The following CTNNA2 variants were observed in gnomAD, a reference collection of about 807,000 sequenced individuals.
CTNNA2 encodes the protein catenin alpha-2.
In CTNNA2, 42 loss-of-function variants were observed where a neutral mutation model predicts 101.0. The observed-to-expected ratio is 0.42, with a 90% CI of 0.32 to 0.54. The LOEUF is 0.54. Among genes scored for constraint, CTNNA2 ranks in the 20% least tolerant of loss-of-function variants. The pLI, the probability that CTNNA2 is intolerant of heterozygous loss-of-function variation, is 0.14. For synonymous variants in CTNNA2, 450 were observed against 456.4 expected (o/e 0.99, Z 0.18); for missense variants, 871 against 1,223.1 (o/e 0.71, Z 4.29).
At chr2:80,114,113 G>A (rs899880345) in intron 7 of CTNNA2, among the ~76,000 whole-genome samples, 9 of 152,226 alleles carry the variant, frequency 5.9e-5, no homozygotes, top group Non-Finnish European at 7.4e-5. Flanking sequence ...AAATTCCGTC[G>A]TCTAAATAAT....
chr2:80,433,176 T>TA (rs1251720886), intron 9 of CTNNA2, among the ~76,000 whole-genome samples: 2 of 152,188 alleles, frequency 1.3e-5, no homozygotes, highest in Non-Finnish European at 2.9e-5. Context: ...ACGTAGAGCT[T>TA]AAAAAAACCT....
chr2:79,306,472 G>C (rs998537858), intron 2 of CTNNA2, among the ~76,000 whole-genome samples: 3 of 152,068 alleles, frequency 2.0e-5, no homozygotes, highest in Admixed American at 1.3e-4. Flanking sequence ...CATAATTTTT[G>C]TTAATTAAAA....
intron 3 of CTNNA2, among the ~76,000 whole-genome samples, chr2:79,353,551 T>C (rs1677439807): frequency 1.3e-5 from 2 of 152,212 alleles, no homozygotes; most frequent in African/African-American, 2.4e-5. Flanking sequence ...ACTTTGAGCC[T>C]GTGAGTGTCA....
intron 2 of CTNNA2, among the ~76,000 whole-genome samples, chr2:79,657,354 G>A (rs979422577): frequency 2.0e-5 from 3 of 151,766 alleles, no homozygotes; most frequent in Non-Finnish European, 4.4e-5. Context: ...AAGGGAATCA[G>A]TTCCTAGAAA....
At chr2:80,093,303 C>A (rs917881806) in intron 7 of CTNNA2, among the ~76,000 whole-genome samples, 1 of 152,022 alleles carries the variant, frequency 6.6e-6, no homozygotes, top group Non-Finnish European at 1.5e-5. Flanking sequence ...TGGTTTCCAG[C>A]TTCATCCATG....
intron 7 of CTNNA2, among the ~76,000 whole-genome samples, chr2:80,031,052 A>G (rs777093159): frequency 6.6e-6 from 1 of 151,420 alleles, no homozygotes; most frequent in Non-Finnish European, 1.5e-5. Context: ...GATAATATGC[A>G]TAGATATTTT....
chr2:80,376,526 T>C, intron 7 of CTNNA2, among the ~76,000 whole-genome samples: 1 of 151,584 alleles, frequency 6.6e-6, no homozygotes. Flanking sequence ...GTTTTATTAG[T>C]GTTTTAGCAG....
chr2:79,298,209 G>C (rs995544651), intron 2 of CTNNA2, among the ~76,000 whole-genome samples: 1 of 152,278 alleles, frequency 6.6e-6, no homozygotes, highest in Middle Eastern at 3.4e-3. Flanking sequence ...AAAGGCAAAG[G>C]GGGTGCAGTC....
intron 7 of CTNNA2, among the ~76,000 whole-genome samples, chr2:80,285,180 G>A (rs115690589): frequency 0.013 from 1,918 of 152,238 alleles, 31 homozygotes; most frequent in African/African-American, 0.042. Flanking sequence ...CTTTATCATG[G>A]CAGCAGACTG....
chr2:79,472,508 G>A (rs1461976232), intron 4 of CTNNA2, among the ~76,000 whole-genome samples: 1 of 152,158 alleles, frequency 6.6e-6, no homozygotes, highest in Admixed American at 6.5e-5. Flanking sequence ...GTGCCCATTT[G>A]CAGCTGAATA....
chr2:80,525,813 G>A (rs1474765228), intron 9 of CTNNA2, among the ~76,000 whole-genome samples: 5 of 152,092 alleles, frequency 3.3e-5, no homozygotes, highest in East Asian at 1.9e-4. Context: ...ACTACCTTAC[G>A]CGCTGGCAGG....
chr2:79,429,003 A>G (rs1169322712), intron 4 of CTNNA2, among the ~76,000 whole-genome samples: 2 of 152,204 alleles, frequency 1.3e-5, no homozygotes, highest in Admixed American at 6.5e-5. Context: ...CAGTAAACAA[A>G]CTTCCTGTGA....
intron 9 of CTNNA2, among the ~76,000 whole-genome samples, chr2:80,508,471 C>A (rs1688446456): frequency 6.6e-6 from 1 of 151,998 alleles, no homozygotes; most frequent in East Asian, 1.9e-4. Context: ...ACAACAGAGC[C>A]AGACTGTCTC....
chr2:80,125,115 A>G (rs1288432538), intron 7 of CTNNA2, among the ~76,000 whole-genome samples: 1 of 152,162 alleles, frequency 6.6e-6, no homozygotes, highest in Admixed American at 6.5e-5. Flanking sequence ...TTTGTCTGAA[A>G]CGATTGAAGT....
chr2:79,854,299 T>C (rs1680961405), intron 3 of CTNNA2, among the ~76,000 whole-genome samples: 1 of 152,230 alleles, frequency 6.6e-6, no homozygotes, highest in African/African-American at 2.4e-5. Flanking sequence ...GAAGTGGTTG[T>C]GATAGTAGTG....
At chr2:79,226,157 C>T (rs188662572) in intron 2 of CTNNA2, among the ~76,000 whole-genome samples, 6 of 152,238 alleles carry the variant, frequency 3.9e-5, no homozygotes, top group African/African-American at 9.6e-5. Context: ...CTTTCAAAAA[C>T]GAGCCTGAAA....
intron 7 of CTNNA2, among the ~76,000 whole-genome samples, chr2:80,269,961 GCA>G (rs1673327181): frequency 6.6e-6 from 1 of 152,156 alleles, no homozygotes; most frequent in African/African-American, 2.4e-5. Context: ...GGCCAACCTA[GCA>G]GGAGTCTCAC....
At chr2:80,489,990 A>G (rs1228998300) in intron 9 of CTNNA2, among the ~76,000 whole-genome samples, 1 of 152,166 alleles carries the variant, frequency 6.6e-6, no homozygotes, top group Non-Finnish European at 1.5e-5. Flanking sequence ...TATGAATCAG[A>G]CCTGAGTTAA....
intron 3 of CTNNA2, among the ~76,000 whole-genome samples, chr2:79,812,444 G>A (rs1411486579): frequency 6.6e-6 from 1 of 152,066 alleles, no homozygotes; most frequent in Non-Finnish European, 1.5e-5. Flanking sequence ...CTGAAATGAT[G>A]TTAAATATTT....
Sources: gnomAD v4.1 joint callset for allele counts (sites outside exome capture counted in the v4.1 genomes callset) on GRCh38, gnomAD v4.1.1 for gene constraint, MANE v1.5 for transcripts, NCBI Gene and HGNC (gene_info 2026-07-23, HGNC 2026-07-21) for gene names.